The following NBAS variants were observed in gnomAD, a reference collection of about 807,000 sequenced individuals.
NBAS encodes NBAS subunit of NRZ tethering complex.
Under a neutral mutation model 302.5 loss-of-function variants are expected in NBAS, and 219 were observed. The observed-to-expected ratio is 0.72, with a 90% CI of 0.65 to 0.81. The LOEUF is 0.81. Ranked by LOEUF, NBAS falls within the 30% of genes least tolerant of loss-of-function variation. NBAS has a pLI of 0.00. For missense variants in NBAS, 2,932 were observed against 2,841.6 expected (o/e 1.03, Z -0.72); for synonymous variants, 1,118 against 1,021.6 (o/e 1.09, Z -1.80).
chr2:15,316,440 A>C (rs1671514356), intron 38 of NBAS, among the ~76,000 whole-genome samples: 1 of 152,246 alleles, frequency 6.6e-6, no homozygotes, highest in African/African-American at 2.4e-5. Context: ...CAGGAAGTGC[A>C]AGGGGTTGGG....
At chr2:15,549,659 T>C (rs1664283068) in intron 6 of NBAS, among the ~76,000 whole-genome samples, 1 of 152,042 alleles carries the variant, frequency 6.6e-6, no homozygotes, top group African/African-American at 2.4e-5. Flanking sequence ...GCCCAGGAGG[T>C]TGAGTCTGCA....
intron 44 of NBAS, among the ~76,000 whole-genome samples, chr2:15,263,720 TTATACTACGGGGCCTTTCCTGGC>T (rs1668950705): frequency 6.6e-6 from 1 of 152,208 alleles, no homozygotes; most frequent in Non-Finnish European, 1.5e-5. Flanking sequence ...CAAATACCTT[TTATACTACGGGGCCTTTCCTGGC>T]TATATCTCCA....
intron 21 of NBAS, among the ~76,000 whole-genome samples, chr2:15,437,491 G>A (rs907810570): frequency 4.6e-5 from 7 of 152,156 alleles, no homozygotes; most frequent in Non-Finnish European, 7.3e-5. Context: ...TCACAGCTGA[G>A]GAAATGAAGA....
At chr2:15,318,185 G>C (rs754450316) in intron 38 of NBAS, among the ~76,000 whole-genome samples, 1 of 152,180 alleles carries the variant, frequency 6.6e-6, no homozygotes, top group Non-Finnish European at 1.5e-5. Context: ...ATCCTTTACA[G>C]ACAAGCAAAT....
chr2:15,172,545 T>C (rs534017588), intron 51 of NBAS, among the ~76,000 whole-genome samples: 1 of 152,372 alleles, frequency 6.6e-6, no homozygotes, highest in South Asian at 2.1e-4. Flanking sequence ...GAACTTACAA[T>C]TCCTCAAAGG....
chr2:15,547,358 C>G (rs1383532998), intron 6 of NBAS, among the ~76,000 whole-genome samples: 1 of 152,100 alleles, frequency 6.6e-6, no homozygotes, highest in East Asian at 1.9e-4. Context: ...AGATAACAAG[C>G]AAATGATCAT....
At chr2:14,883,747 A>T in the NBAS span, among the ~76,000 whole-genome samples, 14 of 152,068 alleles carry the variant, frequency 9.2e-5, no homozygotes, top group Non-Finnish European at 1.9e-4. Context: ...AAGGCAGGGG[A>T]TCTTTTGATC....
chr2:15,149,132 C>T, the NBAS span, among the ~76,000 whole-genome samples: 161 of 152,304 alleles, frequency 1.1e-3, no homozygotes, highest in African/African-American at 3.5e-3. Context: ...AGGTGGAACA[C>T]TTAAAAGGTG....
At chr2:15,464,230 G>T (rs897374595) in intron 19 of NBAS, among the ~76,000 whole-genome samples, 4 of 152,116 alleles carry the variant, frequency 2.6e-5, no homozygotes, top group African/African-American at 9.7e-5. Flanking sequence ...TTATTTCCTA[G>T]TCTCTGTTAG....
At chr2:15,034,000 G>C in the NBAS span, among the ~76,000 whole-genome samples, 1 of 43,508 alleles carries the variant, frequency 2.3e-5, no homozygotes, top group Non-Finnish European at 3.6e-5. Context: ...AGAAGAAGAA[G>C]AAGAAGAAGA....
chr2:15,321,042 C>CAG (rs1338680212), intron 38 of NBAS, among the ~76,000 whole-genome samples: 1 of 152,134 alleles, frequency 6.6e-6, no homozygotes, highest in Non-Finnish European at 1.5e-5. Flanking sequence ...GGTACCAAAA[C>CAG]AGAGATATAG....
chr2:14,809,226 A>G, the NBAS span, among the ~76,000 whole-genome samples: 3 of 152,216 alleles, frequency 2.0e-5, 1 homozygote, highest in South Asian at 6.2e-4. Context: ...AAGGAGCCAA[A>G]TGTTAATCTC....
intron 48 of NBAS, among the ~76,000 whole-genome samples, chr2:15,195,671 G>A (rs1477661593): frequency 2.0e-5 from 3 of 152,140 alleles, no homozygotes; most frequent in African/African-American, 7.2e-5. Context: ...AGATATCAGG[G>A]AAAGGCAGTC....
At chr2:15,069,130 C>T in the NBAS span, among the ~76,000 whole-genome samples, 1 of 152,200 alleles carries the variant, frequency 6.6e-6, no homozygotes, top group Admixed American at 6.5e-5. Flanking sequence ...TCAAATGCAC[C>T]ACCTTTCCGT....
chr2:15,548,626 G>C (rs1389268916), intron 6 of NBAS, among the ~76,000 whole-genome samples: 1 of 152,024 alleles, frequency 6.6e-6, no homozygotes, highest in African/African-American at 2.4e-5. Flanking sequence ...CTGCGCAACA[G>C]AGCAAGACTT....
chr2:15,489,677 A>C (rs1680774752), intron 11 of NBAS, among the ~76,000 whole-genome samples: 1 of 152,252 alleles, frequency 6.6e-6, no homozygotes, highest in African/African-American at 2.4e-5. Flanking sequence ...TCATATAGTC[A>C]ACCGAAAGGT....
At chr2:15,268,656 T>G (rs1321301726) in intron 44 of NBAS, among the ~76,000 whole-genome samples, 2 of 152,230 alleles carry the variant, frequency 1.3e-5, no homozygotes, top group Non-Finnish European at 2.9e-5. Flanking sequence ...ATGTATGCTC[T>G]GCAGAACTGA....
chr2:14,838,629 A>G, the NBAS span, among the ~76,000 whole-genome samples: 1 of 151,948 alleles, frequency 6.6e-6, no homozygotes, highest in Non-Finnish European at 1.5e-5. Context: ...TTTTTATTGT[A>G]TACCAGAGTT....
At chr2:14,905,027 A>G in the NBAS span, among the ~76,000 whole-genome samples, 13 of 152,204 alleles carry the variant, frequency 8.5e-5, no homozygotes, top group Non-Finnish European at 1.8e-4. Flanking sequence ...AGCCTGGGCG[A>G]CAGAGTGAGA....
Sources: gnomAD v4.1 joint callset for allele counts (sites outside exome capture counted in the v4.1 genomes callset) on GRCh38, gnomAD v4.1.1 for gene constraint, MANE v1.5 for transcripts, NCBI Gene and HGNC (gene_info 2026-07-23, HGNC 2026-07-21) for gene names.